Variants in MARS2 observed in about 807,000 individuals in gnomAD.
MARS2 encodes the protein methionine--tRNA ligase, mitochondrial.
In MARS2, 33 loss-of-function variants were observed where a neutral mutation model predicts 43.8. The ratio of observed to expected loss-of-function variants is 0.75; its 90% CI spans 0.57 to 1.01. MARS2 has a LOEUF of 1.01. Ranked by LOEUF, MARS2 falls within the 50% of genes least tolerant of loss-of-function variation. The pLI is 0.00. For missense variants in MARS2, 720 were observed against 763.0 expected, an observed-to-expected ratio of 0.94 and a Z score of 0.66; for synonymous variants, 351 against 325.5, an observed-to-expected ratio of 1.08 and a Z score of -0.84.
chr2:197,706,846 C>T lies in MARS2; in HGVS notation c.1441C>T (p.Arg481Trp). 1.2e-6 allele frequency: 2 copies of T among 1,614,154 alleles called. No individual in the cohort carries two copies. Among genetic ancestry groups the T allele is most frequent in the Non-Finnish European group, 1.7e-6 (2 of 1,180,046 alleles). The change falls in exon 1 of 1, where the codon CGG becomes TGG. Residue 481 changes from arginine (R) to tryptophan (W), a missense_variant. By Grantham distance (101) the Arg-to-Trp change is moderately radical. Transcript: ENST00000282276. ...KALEAVSSCV[R>W]QTNGFVQRHA... ...TCTGGAGGCCGTGTCCAGCTGTGTC[C>T]GGCAAACTAATGGTTTTGTCCAAAG...
rs766665678 is a variant in MARS2, at chr2:197,706,747, G to A, written c.1342G>A (p.Ala448Thr). Residue 448 changes from alanine (A) to threonine (T), a missense_variant, in exon 1 of 1, where the codon GCT becomes ACT. Ala to Thr is a moderately conservative substitution (Grantham distance 58, BLOSUM62 0). Transcript: ENST00000282276. The stretch of plus-strand genomic sequence containing the variant: ...AGTTCGTGCTCAGGCAGAGGATTAT[G>A]CTCTGGTGAGCGCAGTGGCCACTTT... The part of the protein sequence containing the change: ...PSVRAQAEDY[A>T]LVSAVATLPK... The A allele has an allele frequency of 1.9e-6, 3 of 1,613,984 alleles. No individual in the cohort carries two copies. In the Admixed American group the frequency reaches 5.0e-5, roughly 27 times the overall value.
In MARS2 at chr2:197,705,370, G is replaced by C. The variant is rs776925546; in HGVS notation, c.-36G>C. ...CATGCGCCTCTCACACGTGCTGTCA[G>C]AACGCCGCCTCCTCCGCTTGCGGCC... On this transcript the variant is annotated 5_prime_UTR_variant, in exon 1 of 1. Coordinates refer to ENST00000282276, the MANE Select transcript of MARS2 (RefSeq NM_138395.4). 1.4e-5 allele frequency: 22 copies of C among 1,543,940 alleles called. No individual in the cohort carries two copies. In the East Asian group the frequency reaches 3.9e-4, roughly 27 times the overall value.
At position 197,705,896 on chromosome 2, in the gene MARS2, T is replaced by C; in HGVS notation, c.491T>C (p.Val164Ala). Residue 164 changes from valine to alanine, a missense_variant, in exon 1 of 1, where the codon GTC becomes GCC. Physicochemically the swap from Val to Ala is moderately conservative, Grantham distance 64. Transcript: ENST00000282276. Reference protein sequence around the residue: ...LKSRGLLYKGVYEGWYCASDE... With the variant: ...LKSRGLLYKGAYEGWYCASDE... ...TCCCGCGGTCTGCTCTACAAGGGCG[T>C]CTATGAAGGTTGGTATTGCGCTTCC... is the stretch of plus-strand genomic sequence containing the variant. The C allele has an allele frequency of 1.9e-6, 3 of 1,614,062 alleles. No individual in the cohort carries two copies. The highest frequency in any genetic ancestry group is 2.5e-6 in the Non-Finnish European group (3 of 1,180,036).
At position 197,705,626 on chromosome 2, in the gene MARS2, G is replaced by C; in HGVS notation, c.221G>C (p.Arg74Pro). ...GCACTACTGGCGGACGCCCTATGCC[G>C]CCACCGTCGCCTCCGAGGTCCCAGC... is the stretch of plus-strand genomic sequence containing the variant. ...YSALLADALC[R>P]HRRLRGPSTA... The change falls in exon 1 of 1, where the codon CGC (arginine) becomes CCC (proline). Residue 74 changes from arginine (R) to proline (P), a missense_variant. Physicochemically the swap from Arg to Pro is moderately radical, Grantham distance 103 (BLOSUM62 -2). Coordinates refer to ENST00000282276, the MANE Select transcript of MARS2 (RefSeq NM_138395.4). The C allele has an allele frequency of 1.9e-6, 3 of 1,611,524 alleles. No individual in the cohort carries two copies. Among genetic ancestry groups the C allele is most frequent in the Non-Finnish European group, 2.5e-6 (3 of 1,179,748 alleles).
chr2:197,705,397 G>T lies in MARS2; in HGVS notation c.-9G>T. 5 of 1,603,928 alleles carry T rather than the reference G, an allele frequency of 3.1e-6. No individual in the cohort carries two copies. Among genetic ancestry groups the T allele is most frequent in the Non-Finnish European group, 4.3e-6 (5 of 1,175,412 alleles). On this transcript the variant is annotated 5_prime_UTR_variant, in exon 1 of 1. Transcript: ENST00000282276. ...ACGCCGCCTCCTCCGCTTGCGGCCG[G>T]TCTGCACCATGCTGCGAACGTCCGT... is the stretch of plus-strand genomic sequence containing the variant.
rs778068287 is a variant in MARS2 at position 197,705,677 on chromosome 2, G to C, written c.272G>C (p.Gly91Ala). Reference protein sequence around the residue: ...PSTAATRFSTGTDEHGLKIQQ... With the variant: ...PSTAATRFSTATDEHGLKIQQ... ...ACGGCCGCCACGCGATTCTCCACTG[G>C]TACCGACGAGCACGGGCTGAAGATT... Residue 91 changes from glycine (G) to alanine (A), a missense_variant, in exon 1 of 1, where the codon GGT becomes GCT. Gly to Ala is a moderately conservative substitution (Grantham distance 60, BLOSUM62 0). Transcript: ENST00000282276. 5 of 1,611,106 alleles carry C rather than the reference G, an allele frequency of 3.1e-6. No homozygotes were observed. In the South Asian group the frequency reaches 5.5e-5, roughly 18 times the overall value.
Position 197,706,468 on chromosome 2 carries a change from G to A in MARS2, c.1063G>A (p.Val355Met). Residue 355 changes from valine to methionine, a missense_variant, in exon 1 of 1, where the codon GTG (valine) becomes ATG (methionine). Transcript: ENST00000282276. ...GQKMSKSLGN[V>M]VDPRTCLNRY... ...AAAGATGTCCAAGAGCTTGGGCAAC[G>A]TGGTGGATCCTAGGACTTGCCTTAA... is the stretch of plus-strand genomic sequence containing the variant. 6.2e-7 allele frequency: 1 copy of A among 1,613,724 alleles called. No homozygotes were observed. Among genetic ancestry groups the A allele is most frequent in the Non-Finnish European group, 8.5e-7 (1 of 1,180,036 alleles).
Position 197,705,415 on chromosome 2 carries a change from ACGTC to A in MARS2, c.16_19del (p.Val6SerfsTer4). On this transcript the variant is annotated frameshift_variant, in exon 1 of 1. Transcript: ENST00000282276. LOFTEE classifies it high-confidence loss of function. The stretch of plus-strand genomic sequence containing the variant: ...GCGGCCGGTCTGCACCATGCTGCGA[ACGTC>A]CGTCCTCCGCCTGCTAGGACGCACG... 1.2e-6 allele frequency: 2 copies of A among 1,609,276 alleles called. No individual in the cohort carries two copies. Among genetic ancestry groups the A allele is most frequent in the Non-Finnish European group, 1.7e-6 (2 of 1,178,368 alleles).
chr2:197,705,842 C>G lies in MARS2; in HGVS notation c.437C>G (p.Ala146Gly), dbSNP rs747825533. 1 of 1,613,898 alleles carries G rather than the reference C, an allele frequency of 6.2e-7. No homozygotes were observed. Among genetic ancestry groups the G allele is most frequent in the Non-Finnish European group, 8.5e-7 (1 of 1,180,050 alleles). Residue 146 changes from alanine to glycine, a missense_variant, in exon 1 of 1, where the codon GCT (alanine) becomes GGT (glycine). Physicochemically the swap from Ala to Gly is moderately conservative, Grantham distance 60. Coordinates refer to ENST00000282276, the MANE Select transcript of MARS2 (RefSeq NM_138395.4). ...IRTTEARHRVAVQHFWGVLKS... is the reference protein window; with the variant it reads ...IRTTEARHRVGVQHFWGVLKS... ...ACCACGGAGGCCCGGCACCGGGTGG[C>G]TGTGCAGCACTTCTGGGGGGTGCTT...
Position 197,705,917 on chromosome 2 carries a change from C to T in MARS2, c.512C>T (p.Ala171Val), listed in dbSNP as rs2106292786. ...GGCGTCTATGAAGGTTGGTATTGCG[C>T]TTCCGACGAGTGCTTCCTGCCTGAG... ...YKGVYEGWYC[A>V]SDECFLPEAK... The change falls in exon 1 of 1, where the codon GCT (alanine) becomes GTT (valine). Residue 171 changes from alanine to valine, a missense_variant. By Grantham distance (64) the Ala-to-Val change is moderately conservative. Transcript: ENST00000282276. 6.2e-7 allele frequency: 1 copy of T among 1,614,210 alleles called. No homozygotes were observed. Among genetic ancestry groups the T allele is most frequent in the South Asian group, 1.1e-5 (1 of 91,092 alleles).
At position 197,707,056 on chromosome 2, in the gene MARS2, C is replaced by A. The variant is rs752423419; in HGVS notation, c.1651C>A (p.Leu551Ile). Residue 551 changes from leucine to isoleucine, a missense_variant, in exon 1 of 1, where the codon CTC becomes ATC. Transcript: ENST00000282276. The part of the protein sequence containing the change: ...VSASERSLGE[L>I]YFLPRFYGHP... The stretch of plus-strand genomic sequence containing the variant: ...TGCCTCAGAGAGGAGTCTTGGAGAG[C>A]TCTATTTCTTGCCTCGATTCTATGG... 1.2e-6 allele frequency: 2 copies of A among 1,614,126 alleles called. No homozygotes were observed. The highest frequency in any genetic ancestry group is 1.7e-6 in the Non-Finnish European group (2 of 1,180,028).
Position 197,705,563 on chromosome 2 carries a change from A to G in MARS2, c.158A>G (p.Tyr53Cys), listed in dbSNP as rs2089467161. 6.2e-7 allele frequency: 1 copy of G among 1,613,190 alleles called. No homozygotes were observed. The highest frequency in any genetic ancestry group is 1.3e-5 in the African/African-American group (1 of 75,006). ...GCCTACTTCACTACACCCATTTTCT[A>G]CGTGAACGCGGCGCCGCACATCGGG... Reference protein sequence around the residue: ...VRAYFTTPIFYVNAAPHIGHL... With the variant: ...VRAYFTTPIFCVNAAPHIGHL... The change falls in exon 1 of 1, where the codon TAC (tyrosine) becomes TGC (cysteine). Residue 53 changes from tyrosine to cysteine, a missense_variant. Coordinates refer to ENST00000282276, the MANE Select transcript of MARS2 (RefSeq NM_138395.4).
At position 197,706,221 on chromosome 2, in the gene MARS2, T is replaced by A. The variant is rs778038451; in HGVS notation, c.816T>A (p.Asp272Glu). Residue 272 changes from aspartate to glutamate, a missense_variant, in exon 1 of 1, where the codon GAT (aspartate) becomes GAA (glutamate). Physicochemically the swap from Asp to Glu is conservative, Grantham distance 45. Transcript: ENST00000282276. ...GGGGCATTCCGGTGCCCGGGGATGA[T>A]TCGCAGACCATCTATGTATGGCTGG... The part of the protein sequence containing the change: ...LHWGIPVPGD[D>E]SQTIYVWLDA... The A allele has an allele frequency of 5.0e-6, 8 of 1,614,108 alleles. No homozygotes were observed. The South Asian group carries it at 7.7e-5, about 16-fold the overall frequency.
At position 197,706,036 on chromosome 2, in the gene MARS2, T is replaced by A. The variant is rs751190514; in HGVS notation, c.631T>A (p.Tyr211Asn). ...AGTCTCCTGGACCAAGGAAGAAAAC[T>A]ACATTTTCAGGCTTTCCCAGTTCCG... ...HPVSWTKEENYIFRLSQFRKP... is the reference protein window; with the variant it reads ...HPVSWTKEENNIFRLSQFRKP... The change falls in exon 1 of 1, where the codon TAC (tyrosine) becomes AAC (asparagine). Residue 211 changes from tyrosine (Y) to asparagine (N), a missense_variant. Physicochemically the swap from Tyr to Asn is moderately radical, Grantham distance 143 (BLOSUM62 -2). Transcript: ENST00000282276. The A allele has an allele frequency of 2.5e-6, 4 of 1,614,042 alleles. No homozygotes were observed. Among genetic ancestry groups the A allele is most frequent in the Non-Finnish European group, 3.4e-6 (4 of 1,180,046 alleles).
chr2:197,707,058 C>T lies in MARS2; in HGVS notation c.1653C>T (p.Leu551=), dbSNP rs2089482825. The T allele has an allele frequency of 1.9e-6, 3 of 1,614,096 alleles. No homozygotes were observed. Among genetic ancestry groups the T allele is most frequent in the Non-Finnish European group, 2.5e-6 (3 of 1,180,034 alleles). ...CCTCAGAGAGGAGTCTTGGAGAGCT[C>T]TATTTCTTGCCTCGATTCTATGGAC... is the stretch of plus-strand genomic sequence containing the variant. ...VSASERSLGE[L]YFLPRFYGHP... The change falls in exon 1 of 1, where the codon CTC becomes CTT. Residue 551 remains leucine, a synonymous_variant. Transcript: ENST00000282276.
rs1409907589 is a variant in MARS2 at position 197,706,323 on chromosome 2, TATC to T, written c.921_923del (p.Ile308del). On this transcript the variant is annotated inframe_deletion, in exon 1 of 1. Transcript: ENST00000282276. ...AATCTTGGTGGCCGGCCACCTCTCA[TATC>T]ATAGGTAAGGACATTCTCAAATTCC... 6 of 1,614,082 alleles carry T rather than the reference TATC, an allele frequency of 3.7e-6. No homozygotes were observed. The highest frequency in any genetic ancestry group is 5.1e-6 in the Non-Finnish European group (6 of 1,180,032).
In MARS2 at chr2:197,706,807, C is replaced by T. The variant is rs1175588433; in HGVS notation, c.1402C>T (p.Arg468Trp). The T allele has an allele frequency of 1.9e-6, 3 of 1,613,970 alleles. No homozygotes were observed. The highest frequency in any genetic ancestry group is 1.3e-5 in the African/African-American group (1 of 74,904). Residue 468 changes from arginine to tryptophan, a missense_variant, in exon 1 of 1, where the codon CGG becomes TGG. Physicochemically the swap from Arg to Trp is moderately radical, Grantham distance 101 (BLOSUM62 -3). Transcript: ENST00000282276. Reference sequence around the variant, plus strand: ...GGTAGCAGACCACTATGATAACTTTCGGATATATAAGGCTCTGGAGGCCGT... The same window carrying T: ...GGTAGCAGACCACTATGATAACTTTTGGATATATAAGGCTCTGGAGGCCGT... ...KQVADHYDNF[R>W]IYKALEAVSS...
Position 197,705,833 on chromosome 2 carries a change from A to G in MARS2, c.428A>G (p.His143Arg), listed in dbSNP as rs778449025. The change falls in exon 1 of 1, where the codon CAC (histidine) becomes CGC (arginine). Residue 143 changes from histidine (H) to arginine (R), a missense_variant. By Grantham distance (29) the His-to-Arg change is conservative. Transcript: ENST00000282276. ...TTCATCCGCACCACGGAGGCCCGGCACCGGGTGGCTGTGCAGCACTTCTGG... is the reference window on the plus strand; with the variant it reads ...TTCATCCGCACCACGGAGGCCCGGCGCCGGGTGGCTGTGCAGCACTTCTGG... ...TDFIRTTEAR[H>R]RVAVQHFWGV... The G allele has an allele frequency of 6.2e-7, 1 of 1,613,842 alleles. No individual in the cohort carries two copies. Among genetic ancestry groups the G allele is most frequent in the Middle Eastern group, 1.6e-4 (1 of 6,062 alleles).
chr2:197,705,402 C>T lies in MARS2; in HGVS notation c.-4C>T, dbSNP rs1294531844. ...GCCTCCTCCGCTTGCGGCCGGTCTGCACCATGCTGCGAACGTCCGTCCTCC... is the reference window on the plus strand; with the variant it reads ...GCCTCCTCCGCTTGCGGCCGGTCTGTACCATGCTGCGAACGTCCGTCCTCC... On this transcript the variant is annotated 5_prime_UTR_variant, in exon 1 of 1. Transcript: ENST00000282276. 3 of 1,606,248 alleles carry T rather than the reference C, an allele frequency of 1.9e-6. No individual in the cohort carries two copies. Among genetic ancestry groups the T allele is most frequent in the Non-Finnish European group, 2.5e-6 (3 of 1,176,834 alleles).
Sources: allele counts gnomAD v4.1 joint callset, GRCh38; gene constraint gnomAD v4.1.1; transcripts MANE v1.5; gene names NCBI Gene and HGNC (gene_info 2026-07-23, HGNC 2026-07-21).